NOTCH2: variants seen among roughly 807,000 people sequenced by gnomAD.
NOTCH2 encodes the protein notch receptor 2.
Under a neutral mutation model 235.8 loss-of-function variants are expected in NOTCH2, and 29 were observed. That is an observed-to-expected ratio of 0.12 (90% CI 0.09 to 0.17). The LOEUF (loss-of-function observed/expected upper bound fraction) is 0.17. Among genes scored for constraint, NOTCH2 ranks in the 10% least tolerant of loss-of-function variants. The pLI, the probability that NOTCH2 is intolerant of heterozygous loss-of-function variation, is 1.00. For missense variants in NOTCH2, 2,285 were observed against 3,150.2 expected, an observed-to-expected ratio of 0.73 and a Z score of 6.57; for synonymous variants, 1,086 against 1,141.5, an observed-to-expected ratio of 0.95 and a Z score of 0.98.
At chr1:119,923,057 G>A (rs890422156) in intron 26 of NOTCH2, among the ~76,000 whole-genome samples, 2 of 152,224 alleles carry the variant, frequency 1.3e-5, no homozygotes, top group African/African-American at 4.8e-5. Flanking sequence ...AAAGTGAGAA[G>A]CTGTGCTTTC....
At position 119,966,376 on chromosome 1, in the gene NOTCH2, C is replaced by T; in HGVS notation, c.1567G>A (p.Gly523Ser). ...VNRFQCLCPPGFTGPVCQIDI... is the reference protein window; with the variant it reads ...VNRFQCLCPPSFTGPVCQIDI... The stretch of plus-strand genomic sequence containing the variant: ...ACAGGGCCAGGTCGTGGGCACTTAC[C>T]AGGAGGACACAGGCACTGGAAACGA... The change falls in exon 9 of 34, where the codon GGT becomes AGT. Residue 523 changes from glycine to serine, a missense_variant and splice_region_variant. Physicochemically the swap from Gly to Ser is moderately conservative, Grantham distance 56. Coordinates refer to ENST00000256646, the MANE Select transcript of NOTCH2 (RefSeq NM_024408.4). 6.2e-7 allele frequency: 1 copy of T among 1,610,414 alleles called. No individual in the cohort carries two copies. Among genetic ancestry groups the T allele is most frequent in the Non-Finnish European group, 8.5e-7 (1 of 1,176,668 alleles).
chr1:119,944,660 T>C (rs912616971), intron 17 of NOTCH2, among the ~76,000 whole-genome samples: 3 of 150,808 alleles, frequency 2.0e-5, no homozygotes, highest in Admixed American at 1.3e-4. Context: ...AAGGAACAGA[T>C]AAAAGAATTG....
chr1:119,996,384 G>A, intron 4 of NOTCH2: 1 of 480,072 alleles, frequency 2.1e-6, no homozygotes. Context: ...ATCAAAAAGT[G>A]CTCACTGATT....
rs1553196472 is a variant in NOTCH2 at position 119,941,658 on chromosome 1, A to G, written c.2849T>C (p.Met950Thr). ...ACAGGGTTCACTCAGACACTCATTC[A>G]TGTCTGTCTGGCACTTATCCCCAGT... Reference protein sequence around the residue: ...GFTGDKCQTDMNECLSEPCKN... With the variant: ...GFTGDKCQTDTNECLSEPCKN... Residue 950 changes from methionine (M) to threonine (T), a missense_variant, in exon 18 of 34, where the codon ATG becomes ACG. Coordinates refer to ENST00000256646, the MANE Select transcript of NOTCH2 (RefSeq NM_024408.4). 3.1e-6 allele frequency: 5 copies of G among 1,614,050 alleles called. No individual in the cohort carries two copies. Among genetic ancestry groups the G allele is most frequent in the Non-Finnish European group, 4.2e-6 (5 of 1,179,926 alleles).
intron 22 of NOTCH2, among the ~76,000 whole-genome samples, chr1:119,930,297 T>C (rs1296080219): frequency 6.6e-6 from 1 of 152,014 alleles, no homozygotes; most frequent in Non-Finnish European, 1.5e-5. Context: ...CAATGCTTTT[T>C]ATTTAACAAA....
At chr1:120,030,630 T>A in intron 1 of NOTCH2, among the ~76,000 whole-genome samples, 1 of 99,940 alleles carries the variant, frequency 1.0e-5, no homozygotes, top group Non-Finnish European at 2.1e-5. Context: ...GCAGAGAGAG[T>A]ATCAAAAGAA....
intron 4 of NOTCH2, chr1:119,993,292 AT>A (rs1438956603): frequency 1.8e-5 from 1 of 55,416 alleles, no homozygotes; most frequent in East Asian, 4.0e-4. Flanking sequence ...AAGATGAGAC[AT>A]GGTTCATTGA....
Position 119,915,815 on chromosome 1 carries a change from G to A in NOTCH2, c.6907C>T (p.Pro2303Ser). 1.2e-6 allele frequency: 2 copies of A among 1,613,596 alleles called. No homozygotes were observed. The highest frequency in any genetic ancestry group is 8.5e-7 in the Non-Finnish European group (1 of 1,179,676). The change falls in exon 34 of 34, where the codon CCC (proline) becomes TCC (serine). Residue 2303 changes from proline to serine, a missense_variant. Pro to Ser is a moderately conservative substitution (Grantham distance 74). This residue lies in a region of NOTCH2 where 504 missense variants were observed against 538.0 expected (regional missense o/e 0.94). Transcript: ENST00000256646. ...HITTPREPLP[P>S]IVTFQLIPKG... The stretch of plus-strand genomic sequence containing the variant: ...GGGATGAGCTGGAAAGTCACAATGG[G>A]GGGCAAGGGCTCCCGAGGGGTGGTT...
chr1:119,932,459 T>C (rs1374516693), intron 22 of NOTCH2, among the ~76,000 whole-genome samples: 2 of 152,018 alleles, frequency 1.3e-5, no homozygotes, highest in South Asian at 4.1e-4. Context: ...TGGTGGCACA[T>C]GCCTGTAATC....
At chr1:119,972,874 G>A (rs587655323) in intron 5 of NOTCH2, among the ~76,000 whole-genome samples, 4 of 152,130 alleles carry the variant, frequency 2.6e-5, no homozygotes, top group Admixed American at 6.6e-5. Context: ...TGCATGTCTC[G>A]GGCTTCCCAA....
intron 16 of NOTCH2, 88 bp downstream of exon 16, chr1:119,948,919 G>A (rs2101115318): frequency 6.6e-7 from 1 of 1,524,824 alleles, no homozygotes; most frequent in Non-Finnish European, 9.1e-7. Context: ...CATAAGACCA[G>A]CAGGGCCTTC....
intron 19 of NOTCH2, 93 bp from the exon 20 acceptor site, chr1:119,938,103 G>T: frequency 7.1e-7 from 1 of 1,403,506 alleles, no homozygotes; most frequent in Non-Finnish European, 9.9e-7. Flanking sequence ...TCAAAGAAAA[G>T]CAAACTGATT....
intron 9 of NOTCH2, 143 bp downstream of exon 9, chr1:119,966,233 G>T (rs1391599369): frequency 1.5e-5 from 11 of 714,310 alleles, no homozygotes; most frequent in Non-Finnish European, 2.6e-5. Context: ...CTCTATTTCT[G>T]TACACACACA....
chr1:119,951,990 C>T (rs1318402715), intron 14 of NOTCH2, among the ~76,000 whole-genome samples: 1 of 152,176 alleles, frequency 6.6e-6, no homozygotes, highest in Non-Finnish European at 1.5e-5. Flanking sequence ...GAAATACAGT[C>T]TCAGAAATGT....
In NOTCH2 at chr1:119,929,184, G is replaced by A. The variant is rs1553194828; in HGVS notation, c.3684C>T (p.Asp1228=). The change falls in exon 23 of 34, where the codon GAC becomes GAT. Residue 1228 remains aspartate, a synonymous_variant. Transcript: ENST00000256646. ...RGLLCEENID[D]CARGPHCLNG... is the part of the protein sequence containing the mutation. The stretch of plus-strand genomic sequence containing the variant: ...TAAGGCAATGGGGACCCCGGGCACA[G>A]TCATCAATGTTCTCTTCACAGAGTA... 1.9e-6 allele frequency: 3 copies of A among 1,614,042 alleles called. No individual in the cohort carries two copies. Among genetic ancestry groups the A allele is most frequent in the African/African-American group, 1.3e-5 (1 of 74,950 alleles).
intron 17 of NOTCH2, among the ~76,000 whole-genome samples, chr1:119,945,402 A>C (rs1457906358): frequency 6.6e-6 from 1 of 152,114 alleles, no homozygotes; most frequent in Non-Finnish European, 1.5e-5. Flanking sequence ...ATTAAATTTA[A>C]ACAGTCTAAA....
chr1:119,985,225 G>A (rs1651967042), intron 5 of NOTCH2, among the ~76,000 whole-genome samples: 1 of 151,998 alleles, frequency 6.6e-6, no homozygotes, highest in Admixed American at 6.6e-5. Context: ...ATTGGCATGA[G>A]TGAAGAAAAC....
At chr1:119,954,902 C>A in intron 13 of NOTCH2, 138 bp downstream of exon 13, 1 of 815,870 alleles carries the variant, frequency 1.2e-6, no homozygotes. Context: ...ATTCAGAAGG[C>A]TTTGATGCAG....
intron 11 of NOTCH2, among the ~76,000 whole-genome samples, chr1:119,962,197 G>A (rs1650963244): frequency 6.6e-6 from 1 of 151,976 alleles, no homozygotes; most frequent in Admixed American, 6.6e-5. Flanking sequence ...ATATATCCTG[G>A]TATAATGATA....
Sources: gnomAD v4.1 joint callset for allele counts (sites outside exome capture counted in the v4.1 genomes callset) on GRCh38, gnomAD v4.1.1 for gene constraint, gnomAD v4.1.1 regional missense constraint, MANE v1.5 for transcripts, NCBI Gene and HGNC (gene_info 2026-07-23, HGNC 2026-07-21) for gene names.